The following ADGRF5 variants were observed in gnomAD, a reference collection of about 807,000 sequenced individuals.
The protein encoded by ADGRF5 is adhesion G protein-coupled receptor F5.
Under a neutral mutation model 132.3 loss-of-function variants are expected in ADGRF5, and 75 were observed. The observed-to-expected ratio is 0.57, with a 90% CI of 0.47 to 0.69. The LOEUF is 0.69. Ranked by LOEUF, ADGRF5 falls within the 30% of genes least tolerant of loss-of-function variation. The probability of loss-of-function intolerance (pLI) is 0.00; values close to 1 mark genes in which losing one functional copy is unlikely to be tolerated. For missense variants in ADGRF5, 1,516 were observed against 1,630.6 expected (o/e 0.93, Z 1.21); for synonymous variants, 629 against 597.6 (o/e 1.05, Z -0.77).
At chr6:46,932,942 G>A (rs996743268) in intron 1 of ADGRF5, among the ~76,000 whole-genome samples, 2 of 152,194 alleles carry the variant, frequency 1.3e-5, no homozygotes, top group African/African-American at 2.4e-5. Context: ...AAGACTGGCC[G>A]ACGCCAGTGT....
chr6:46,953,700 A>G (rs1451902573), intron 1 of ADGRF5, among the ~76,000 whole-genome samples: 1 of 121,156 alleles, frequency 8.3e-6, no homozygotes, highest in Non-Finnish European at 1.8e-5. Context: ...TCTCACTGAC[A>G]GTGGCATTAT....
chr6:46,880,274 A>T (rs1772304439), intron 8 of ADGRF5, among the ~76,000 whole-genome samples: 1 of 152,046 alleles, frequency 6.6e-6, no homozygotes, highest in Non-Finnish European at 1.5e-5. Flanking sequence ...TGTTTGCCCT[A>T]TGGCTCCTTA....
At chr6:46,928,297 C>T (rs1777357428) in intron 1 of ADGRF5, among the ~76,000 whole-genome samples, 1 of 152,164 alleles carries the variant, frequency 6.6e-6, no homozygotes, top group African/African-American at 2.4e-5. Context: ...TATGTTGTGT[C>T]TGTGTGGCTC....
In ADGRF5 at chr6:46,944,644, A is replaced by G. The variant is rs573200379; in HGVS notation, c.-25+10090T>C. Among the ~76,000 whole-genome samples the G allele has an allele frequency of 2.0e-5, 3 of 152,364 alleles. No homozygotes were observed. In the East Asian group the frequency reaches 5.8e-4, roughly 29 times the overall value. On this transcript the variant is annotated intron_variant, in intron 1 of 20. Transcript: ENST00000265417. The stretch of plus-strand genomic sequence containing the variant: ...GTGCTTTGCATCTCCATGTAAATAT[A>G]AATATGTCATATAAAATATGTCATT...
intron 14 of ADGRF5, among the ~76,000 whole-genome samples, chr6:46,864,339 G>T (rs919188398): frequency 6.6e-6 from 1 of 152,100 alleles, no homozygotes; most frequent in African/African-American, 2.4e-5. Context: ...CTATTCTCGA[G>T]ATTAATTGTT....
chr6:46,869,490 T>A lies in ADGRF5; in HGVS notation c.1412-398A>T, dbSNP rs6923251. On this transcript the variant is annotated intron_variant, in intron 11 of 20. Transcript: ENST00000283296. ...GGCCGGGTTCCTCTAACAATCTCAA[T>A]CTCTACTCTTTTAAAATACTTTTTA... is the stretch of plus-strand genomic sequence containing the variant. The A allele has an allele frequency of 2.3e-3, 1,010 of 444,702 alleles. 8 individuals are homozygous for A. The highest frequency in any genetic ancestry group is 0.02 in the African/African-American group (947 of 46,782). The allele number at this position is 444,702 out of a possible 1,614,324, so 27.5% of individuals were successfully genotyped here. A position where few individuals can be genotyped will look rare whatever the true frequency, so the allele number is the denominator to read the frequency against.
chr6:46,942,983 T>G (rs1480846817), intron 1 of ADGRF5, among the ~76,000 whole-genome samples: 4 of 152,174 alleles, frequency 2.6e-5, no homozygotes, highest in Admixed American at 6.5e-5. Context: ...ATTGACCAAT[T>G]CCTCAATTAT....
chr6:46,947,875 C>T (rs1010993002), intron 1 of ADGRF5, among the ~76,000 whole-genome samples: 2 of 152,200 alleles, frequency 1.3e-5, no homozygotes, highest in African/African-American at 4.8e-5. Flanking sequence ...ACAACCCAGT[C>T]CCTGCTCAGG....
intron 3 of ADGRF5, among the ~76,000 whole-genome samples, chr6:46,896,291 C>T (rs989843941): frequency 1.8e-4 from 28 of 152,132 alleles, no homozygotes. Context: ...TTTCTCTCTG[C>T]TCCCTTACAG....
At chr6:46,929,521 A>AAAAAT (rs1561830235) in intron 1 of ADGRF5, among the ~76,000 whole-genome samples, 7 of 84,532 alleles carry the variant, frequency 8.3e-5, no homozygotes, top group Non-Finnish European at 1.7e-4. Flanking sequence ...AAAATAAAAA[A>AAAAAT]AAGAAAGTAA....
At chr6:46,861,218 A>G (rs1769713267) in intron 15 of ADGRF5, among the ~76,000 whole-genome samples, 1 of 152,216 alleles carries the variant, frequency 6.6e-6, no homozygotes, top group African/African-American at 2.4e-5. Flanking sequence ...GATAGTCGGT[A>G]TGGAAGCACA....
intron 20 of ADGRF5, chr6:46,854,723 T>C: frequency 7.8e-7 from 1 of 1,286,212 alleles, no homozygotes; most frequent in Non-Finnish European, 1.0e-6. Flanking sequence ...ACCATCAGAT[T>C]GCTGAACTGC....
chr6:46,898,006 C>T (rs1026807097), intron 3 of ADGRF5, among the ~76,000 whole-genome samples: 1 of 152,090 alleles, frequency 6.6e-6, no homozygotes, highest in Non-Finnish European at 1.5e-5. Flanking sequence ...CTCTAGAGGC[C>T]CAAGAACACA....
At chr6:46,943,408 C>A (rs559855973) in intron 1 of ADGRF5, among the ~76,000 whole-genome samples, 2 of 152,148 alleles carry the variant, frequency 1.3e-5, no homozygotes, top group Admixed American at 6.5e-5. Context: ...TTTCTGGGCA[C>A]CTACTTTGTG....
At chr6:46,882,984 T>C (rs1772649933) in intron 6 of ADGRF5, among the ~76,000 whole-genome samples, 2 of 152,268 alleles carry the variant, frequency 1.3e-5, no homozygotes, top group African/African-American at 4.8e-5. Flanking sequence ...TGGGAAGCTC[T>C]GTTCCAAATA....
intron 1 of ADGRF5, among the ~76,000 whole-genome samples, chr6:46,908,481 C>T (rs901510254): frequency 1.3e-5 from 2 of 152,036 alleles, no homozygotes; most frequent in East Asian, 1.9e-4. Context: ...AGCCTCCCTT[C>T]GAATCTGATA....
At chr6:46,921,547 G>A (rs17385889) in intron 1 of ADGRF5, among the ~76,000 whole-genome samples, 166 bp downstream of exon 1, 17,507 of 152,206 alleles carry the variant, frequency 0.12, 1,133 homozygotes, top group Non-Finnish European at 0.14. Context: ...CTCTTGACTG[G>A]ACATACTTAA....
At chr6:46,879,564 C>G (rs567327001) in intron 9 of ADGRF5, among the ~76,000 whole-genome samples, 1 of 152,320 alleles carries the variant, frequency 6.6e-6, no homozygotes, top group East Asian at 1.9e-4. Flanking sequence ...GAGGCCTCCC[C>G]AACCATGCAG....
intron 1 of ADGRF5, among the ~76,000 whole-genome samples, chr6:46,942,057 C>A (rs1252998748): frequency 6.6e-6 from 1 of 152,178 alleles, no homozygotes; most frequent in Non-Finnish European, 1.5e-5. Context: ...TAGCACCCTG[C>A]AAGCACTGTG....
Sources: allele counts gnomAD v4.1 joint callset (sites outside exome capture counted in the v4.1 genomes callset), GRCh38; gene constraint gnomAD v4.1.1; transcripts MANE v1.5; gene names NCBI Gene and HGNC (gene_info 2026-07-23, HGNC 2026-07-21).